The following CPXM2 variants were observed in gnomAD, a reference collection of about 807,000 sequenced individuals.
CPXM2 encodes the protein inactive carboxypeptidase-like protein X2.
CPXM2 carries 66 observed loss-of-function variants against 86.1 expected under a neutral mutation model. The ratio of observed to expected loss-of-function variants is 0.77; its 90% CI spans 0.63 to 0.94. The LOEUF is 0.94. Among genes scored for constraint, CPXM2 ranks in the 40% least tolerant of loss-of-function variants. CPXM2 has a pLI of 0.00. For missense variants in CPXM2, 948 were observed against 1,026.3 expected (o/e 0.92, Z 1.04); for synonymous variants, 388 against 400.2 (o/e 0.97, Z 0.36).
intron 4 of CPXM2, among the ~76,000 whole-genome samples, chr10:123,838,774 G>A (rs775668982): frequency 6.6e-6 from 1 of 152,120 alleles, no homozygotes; most frequent in East Asian, 1.9e-4. Context: ...TTCTGCCTGC[G>A]ACCCTGCAGA....
At chr10:123,828,275 T>C (rs1024352061) in intron 4 of CPXM2, among the ~76,000 whole-genome samples, 3 of 152,192 alleles carry the variant, frequency 2.0e-5, no homozygotes, top group Admixed American at 6.5e-5. Flanking sequence ...GGTGGAAGGA[T>C]AGATCTTTTC....
At chr10:123,843,492 G>A (rs552977115) in intron 3 of CPXM2, among the ~76,000 whole-genome samples, 1 of 135,532 alleles carries the variant, frequency 7.4e-6, no homozygotes, top group Non-Finnish European at 1.5e-5. Context: ...GGAGTGCAGT[G>A]GCGCCATCTC....
chr10:123,811,763 T>A (rs1223930489), intron 4 of CPXM2, among the ~76,000 whole-genome samples: 2 of 152,124 alleles, frequency 1.3e-5, no homozygotes, highest in Admixed American at 1.3e-4. Flanking sequence ...AAGCACACAA[T>A]GTAAATGGAG....
chr10:123,798,278 T>TCC, intron 5 of CPXM2, 152 bp from the exon 6 acceptor site: 1 of 677,012 alleles, frequency 1.5e-6, no homozygotes, highest in Non-Finnish European at 2.2e-6. Flanking sequence ...AAGAAATGAA[T>TCC]CAGGCCTGGA....
chr10:123,925,970 CAT>C (rs1945619074), intron 2 of CPXM2, among the ~76,000 whole-genome samples: 1 of 152,168 alleles, frequency 6.6e-6, no homozygotes, highest in African/African-American at 2.4e-5. Flanking sequence ...ATCTCAGTAA[CAT>C]ATGTAAGCAT....
intron 2 of CPXM2, among the ~76,000 whole-genome samples, chr10:123,910,034 C>T (rs1345823938): frequency 2.0e-5 from 3 of 152,216 alleles, no homozygotes; most frequent in Non-Finnish European, 2.9e-5. Flanking sequence ...AGCGCCCGAA[C>T]CCACAGAGAC....
intron 3 of CPXM2, among the ~76,000 whole-genome samples, chr10:123,847,331 C>T (rs1334935743): frequency 6.6e-6 from 1 of 152,152 alleles, no homozygotes; most frequent in African/African-American, 2.4e-5. Context: ...TCTAGACTAG[C>T]CTGGCCAACA....
At chr10:123,788,718 C>G (rs1047649189) in intron 6 of CPXM2, among the ~76,000 whole-genome samples, 1 of 152,184 alleles carries the variant, frequency 6.6e-6, no homozygotes, top group Admixed American at 6.5e-5. Flanking sequence ...GAGCAGGGAA[C>G]CTGCTCTTCA....
At chr10:123,889,377 T>C (rs1187196879) in intron 1 of CPXM2, among the ~76,000 whole-genome samples, 1 of 152,148 alleles carries the variant, frequency 6.6e-6, no homozygotes, top group African/African-American at 2.4e-5. Flanking sequence ...CCCAGCTTGT[T>C]TGTTACCTTA....
chr10:123,835,292 G>A (rs1320588376), intron 4 of CPXM2, among the ~76,000 whole-genome samples: 7 of 152,080 alleles, frequency 4.6e-5, no homozygotes, highest in Non-Finnish European at 1.0e-4. Context: ...AAGCGGGGTG[G>A]AAGCTTCCAA....
At chr10:123,750,381 T>A in intron 13 of CPXM2, 1 of 970,798 alleles carries the variant, frequency 1.0e-6, no homozygotes, top group African/African-American at 1.8e-5. Flanking sequence ...GCCACACAAG[T>A]CTTCCTTTTG....
chr10:123,786,764 C>G (rs2134041065), intron 6 of CPXM2, among the ~76,000 whole-genome samples: 1 of 152,258 alleles, frequency 6.6e-6, no homozygotes, highest in South Asian at 2.1e-4. Context: ...CACAGCTTAT[C>G]TTCCCAAGCA....
At chr10:123,784,568 C>T (rs1223661418) in intron 6 of CPXM2, among the ~76,000 whole-genome samples, 2 of 152,208 alleles carry the variant, frequency 1.3e-5, no homozygotes, top group African/African-American at 2.4e-5. Flanking sequence ...TCATTTCTTA[C>T]TCCTCAGACA....
At chr10:123,831,999 C>A (rs1427777666) in intron 4 of CPXM2, among the ~76,000 whole-genome samples, 2 of 150,442 alleles carry the variant, frequency 1.3e-5, no homozygotes, top group Non-Finnish European at 1.5e-5. Context: ...GGGTGGGGAA[C>A]AGACTGGTGC....
chr10:123,931,893 G>A (rs1377204337), intron 2 of CPXM2, among the ~76,000 whole-genome samples: 1 of 152,200 alleles, frequency 6.6e-6, no homozygotes, highest in Non-Finnish European at 1.5e-5. Context: ...GGCAGTGACT[G>A]ATGATGAAAT....
intron 2 of CPXM2, among the ~76,000 whole-genome samples, chr10:123,869,404 A>G (rs1243088054): frequency 6.6e-6 from 1 of 152,242 alleles, no homozygotes; most frequent in Non-Finnish European, 1.5e-5. Context: ...TGCTTCTAGG[A>G]AGAAAAAAGG....
chr10:123,768,061 A>G (rs1317056705), intron 9 of CPXM2, among the ~76,000 whole-genome samples: 1 of 152,154 alleles, frequency 6.6e-6, no homozygotes, highest in African/African-American at 2.4e-5. Context: ...TAAACCTTGT[A>G]GGCTTCCCTG....
chr10:123,862,715 G>A lies in CPXM2; in HGVS notation c.412C>T (p.Pro138Ser). 5 of 1,568,574 alleles carry A rather than the reference G, an allele frequency of 3.2e-6. No individual in the cohort carries two copies. Among genetic ancestry groups the A allele is most frequent in the South Asian group, 1.1e-5 (1 of 89,622 alleles). Residue 138 changes from proline (P) to serine (S), a missense_variant, in exon 3 of 14, where the codon CCT (proline) becomes TCT (serine). By Grantham distance (74) the Pro-to-Ser change is moderately conservative (BLOSUM62 -1). Coordinates refer to ENST00000241305, the MANE Select transcript of CPXM2 (RefSeq NM_198148.3). Reference sequence around the variant, plus strand: ...ATTTTTAAGGTTTCCAGACCAAGAGGTGGGCAACCTGGAAAGGACAAATGC... The same window carrying A: ...ATTTTTAAGGTTTCCAGACCAAGAGATGGGCAACCTGGAAAGGACAAATGC... The part of the protein sequence containing the change: ...AREDVRESCP[P>S]LGLETLKITD...
intron 7 of CPXM2, 68 bp from the exon 8 acceptor site, chr10:123,771,107 A>C: frequency 6.7e-7 from 1 of 1,494,328 alleles, no homozygotes; most frequent in Admixed American, 1.8e-5. Flanking sequence ...AGAGCTCCCA[A>C]GAAAACGGAC....
Sources: gnomAD v4.1 joint callset for allele counts (sites outside exome capture counted in the v4.1 genomes callset) on GRCh38, gnomAD v4.1.1 for gene constraint, MANE v1.5 for transcripts, NCBI Gene and HGNC (gene_info 2026-07-23, HGNC 2026-07-21) for gene names.